ZNRF1: variants seen among roughly 807,000 people sequenced by gnomAD.
ZNRF1 encodes the protein E3 ubiquitin-protein ligase ZNRF1.
ZNRF1 carries 3 observed loss-of-function variants against 18.4 expected under a neutral mutation model. The ratio of observed to expected loss-of-function variants is 0.16; its 90% CI spans 0.07 to 0.42. The LOEUF is 0.42. Ranked by LOEUF, ZNRF1 falls within the 10% of genes least tolerant of loss-of-function variation. The pLI, the probability that ZNRF1 is intolerant of heterozygous loss-of-function variation, is 0.99. For synonymous variants in ZNRF1, 157 were observed against 144.2 expected, an observed-to-expected ratio of 1.09 and a Z score of -0.64; for missense variants, 310 against 329.8, an observed-to-expected ratio of 0.94 and a Z score of 0.47.
chr16:75,102,829 T>A (rs1383769226), intron 2 of ZNRF1, among the ~76,000 whole-genome samples: 1 of 152,106 alleles, frequency 6.6e-6, no homozygotes, highest in Non-Finnish European at 1.5e-5. Flanking sequence ...CTGGGCACCC[T>A]CCCTTAGTGC....
At chr16:75,032,788 C>T (rs761633737) in intron 1 of ZNRF1, among the ~76,000 whole-genome samples, 20 of 152,112 alleles carry the variant, frequency 1.3e-4, no homozygotes, top group Non-Finnish European at 1.6e-4. Context: ...TTTGGGAGGC[C>T]AAGTCAGGAG....
chr16:75,074,553 A>G (rs1380169381), intron 1 of ZNRF1, among the ~76,000 whole-genome samples: 1 of 152,242 alleles, frequency 6.6e-6, no homozygotes, highest in Non-Finnish European at 1.5e-5. Flanking sequence ...CATATAATTT[A>G]TCATTCAATC....
At chr16:75,041,585 C>T (rs1350970945) in intron 1 of ZNRF1, among the ~76,000 whole-genome samples, 2 of 152,068 alleles carry the variant, frequency 1.3e-5, no homozygotes, top group South Asian at 2.1e-4. Flanking sequence ...CCGCCTCAGC[C>T]TCTCAAAGGT....
At chr16:75,106,026 A>T (rs1007796491) in intron 3 of ZNRF1, 4 of 161,482 alleles carry the variant, frequency 2.5e-5, no homozygotes, top group African/African-American at 9.6e-5. Context: ...CTTTTGACCC[A>T]GGAAGGAGCT....
intron 1 of ZNRF1, among the ~76,000 whole-genome samples, chr16:75,021,282 A>G (rs2035144149): frequency 2.6e-5 from 4 of 151,688 alleles, no homozygotes; most frequent in Admixed American, 2.6e-4. Context: ...CAAGTGATCC[A>G]TCTGCCTCGG....
intron 1 of ZNRF1, among the ~76,000 whole-genome samples, chr16:75,083,359 C>A (rs773476555): frequency 6.6e-6 from 1 of 152,204 alleles, no homozygotes; most frequent in Non-Finnish European, 1.5e-5. Context: ...GGTACAAGGC[C>A]ATCTGGCTAG....
At chr16:75,016,482 T>TG (rs2035071044) in intron 1 of ZNRF1, among the ~76,000 whole-genome samples, 1 of 151,392 alleles carries the variant, frequency 6.6e-6, no homozygotes, top group Admixed American at 6.6e-5. Context: ...TCAAGTGATC[T>TG]GCCTGCCTTG....
chr16:75,027,420 G>A (rs1394932170), intron 1 of ZNRF1, among the ~76,000 whole-genome samples: 2 of 152,114 alleles, frequency 1.3e-5, no homozygotes, highest in Non-Finnish European at 2.9e-5. Flanking sequence ...TTGTAGTTTT[G>A]TAAAATGGTG....
intron 1 of ZNRF1, among the ~76,000 whole-genome samples, chr16:75,005,561 T>C (rs1567462881): frequency 6.6e-6 from 1 of 152,210 alleles, no homozygotes; most frequent in Non-Finnish European, 1.5e-5. Context: ...AATTTGAGTA[T>C]AGTAGTTACT....
chr16:75,096,149 T>G (rs1226449153), intron 2 of ZNRF1, among the ~76,000 whole-genome samples: 1 of 151,660 alleles, frequency 6.6e-6, no homozygotes, highest in Non-Finnish European at 1.5e-5. Context: ...AAGCCAGTCC[T>G]TTACCACTGG....
chr16:75,073,200 G>A (rs2035894956), intron 1 of ZNRF1, among the ~76,000 whole-genome samples: 1 of 148,672 alleles, frequency 6.7e-6, no homozygotes, highest in African/African-American at 2.5e-5. Flanking sequence ...ACATAGATAT[G>A]TATACGTATC....
rs1326626899 is a variant in ZNRF1, at chr16:75,107,995, A to C, written c.*295A>C. 3.1e-6 allele frequency: 1 copy of C among 327,380 alleles called. No homozygotes were observed. Among genetic ancestry groups the C allele is most frequent in the African/African-American group, 2.2e-5 (1 of 45,222 alleles). 20.3% of individuals were successfully genotyped at this position (327,380 alleles called of 1,614,324 possible). A position where few individuals can be genotyped will look rare whatever the true frequency, so the allele number is the denominator to read the frequency against. On this transcript the variant is annotated 3_prime_UTR_variant, in exon 5 of 5. Transcript: ENST00000335325. The stretch of plus-strand genomic sequence containing the variant: ...GAAAGGCATTGTGGGTCTGTCTTTA[A>C]AGTGTTTACAAAAAAAAATTATATA...
intron 1 of ZNRF1, among the ~76,000 whole-genome samples, chr16:75,048,989 T>A (rs1343954509): frequency 1.3e-5 from 2 of 152,040 alleles, no homozygotes; most frequent in Non-Finnish European, 2.9e-5. Context: ...GTTTTTTATT[T>A]GCTGGAATTT....
At chr16:75,084,534 A>G (rs932420412) in intron 1 of ZNRF1, 8 of 152,204 alleles carry the variant, frequency 5.3e-5, no homozygotes, top group African/African-American at 1.4e-4. Flanking sequence ...AAGAAGCTAG[A>G]AGATGGTGGA....
chr16:75,015,146 A>G (rs563237992), intron 1 of ZNRF1, among the ~76,000 whole-genome samples: 1 of 152,322 alleles, frequency 6.6e-6, no homozygotes, highest in African/African-American at 2.4e-5. Context: ...TTAATTTTGA[A>G]ATAACTGAAT....
In ZNRF1 at chr16:75,032,104, G is replaced by GTT. The variant is rs1162819265; in HGVS notation, c.424+32031_424+32032dup. On this transcript the variant is annotated intron_variant, in intron 1 of 4. Coordinates refer to ENST00000335325, the MANE Select transcript of ZNRF1 (RefSeq NM_032268.5). ...GATATTGGGCATCTTTTCTTGTGAG[G>GTT]TTTTTTTTTTTTTTTTTTTTTTTGA... 8.9e-3 allele frequency among the ~76,000 whole-genome samples: 964 copies of GTT among 108,640 alleles called. 43 individuals carry two copies. The highest frequency in any genetic ancestry group is 0.033 in the African/African-American group (781 of 23,654). 71.3% of individuals were successfully genotyped at this position (108,640 alleles called of 152,430 possible). A position where few individuals can be genotyped will look rare whatever the true frequency, so the allele number is the denominator to read the frequency against.
intron 1 of ZNRF1, among the ~76,000 whole-genome samples, chr16:75,017,349 T>C (rs973900265): frequency 6.6e-6 from 1 of 152,178 alleles, no homozygotes; most frequent in Non-Finnish European, 1.5e-5. Flanking sequence ...TTTACAGATA[T>C]AAAAATAAAA....
intron 2 of ZNRF1, chr16:75,104,518 CGTCCGCT>C: frequency 3.3e-6 from 1 of 305,684 alleles, no homozygotes; most frequent in Non-Finnish European, 6.2e-6. Context: ...AAGCCTTTTT[CGTCCGCT>C]GTCACCTAGG....
intron 1 of ZNRF1, chr16:75,084,757 A>G (rs62059183): frequency 0.026 from 3,898 of 152,358 alleles, 62 homozygotes; most frequent in Non-Finnish European, 0.04. Context: ...GGCTCTGCTC[A>G]CCTGTCACCT....
Sources: gnomAD v4.1 joint callset for allele counts (sites outside exome capture counted in the v4.1 genomes callset) on GRCh38, gnomAD v4.1.1 for gene constraint, MANE v1.5 for transcripts, NCBI Gene and HGNC (gene_info 2026-07-23, HGNC 2026-07-21) for gene names.